The following GRIN2A variants were observed in gnomAD, a reference collection of about 807,000 sequenced individuals.
The protein encoded by GRIN2A is glutamate receptor ionotropic, NMDA 2A.
A neutral mutation model predicts 113.4 loss-of-function variants in GRIN2A; 22 were observed. That is an observed-to-expected ratio of 0.19 (90% confidence interval 0.14 to 0.28). The LOEUF is 0.28. Ranked by LOEUF, GRIN2A falls within the 10% of genes least tolerant of loss-of-function variation. GRIN2A has a pLI of 1.00. For synonymous variants in GRIN2A, 827 were observed against 738.4 expected (o/e 1.12, Z -1.94); for missense variants, 1,502 against 1,887.0 (o/e 0.80, Z 3.78).
chr16:9,958,312 G>A (rs969527133), intron 2 of GRIN2A, among the ~76,000 whole-genome samples: 1 of 152,014 alleles, frequency 6.6e-6, no homozygotes, highest in Non-Finnish European at 1.5e-5. Context: ...CAAAGCCATG[G>A]CTCCCTCTTG....
At position 10,089,783 on chromosome 16, in the gene GRIN2A, C is replaced by G. The variant is rs965649552; in HGVS notation, c.414+90215G>C. On this transcript the variant is annotated intron_variant, in intron 2 of 12. Coordinates refer to ENST00000330684, the MANE Select transcript of GRIN2A (RefSeq NM_001134407.3). ...AACAGCAAGCTGTCTTGATAAGGTT[C>G]CATCATCTCTCAAAAATTTATAACT... Among the ~76,000 whole-genome samples the G allele has an allele frequency of 7.2e-5, 11 of 152,238 alleles. No homozygotes were observed. In the East Asian group the frequency reaches 7.7e-4, roughly 11 times the overall value.
chr16:9,903,662 C>G (rs963890249), intron 3 of GRIN2A, among the ~76,000 whole-genome samples: 1 of 152,194 alleles, frequency 6.6e-6, no homozygotes, highest in African/African-American at 2.4e-5. Flanking sequence ...ACCTCTTCCA[C>G]AAAGTATTAC....
At chr16:9,983,836 C>T (rs546046869) in intron 2 of GRIN2A, among the ~76,000 whole-genome samples, 2 of 152,188 alleles carry the variant, frequency 1.3e-5, no homozygotes, top group South Asian at 2.1e-4. Context: ...ATGTCTTGGC[C>T]CCTGTGAATA....
chr16:10,131,045 T>C (rs1433167434), intron 2 of GRIN2A, among the ~76,000 whole-genome samples: 1 of 152,178 alleles, frequency 6.6e-6, no homozygotes, highest in African/African-American at 2.4e-5. Context: ...GTCGGGACTT[T>C]TGTTAGAAAA....
chr16:9,850,804 C>T (rs983127572), intron 4 of GRIN2A, among the ~76,000 whole-genome samples: 4 of 152,152 alleles, frequency 2.6e-5, no homozygotes, highest in Admixed American at 2.0e-4. Flanking sequence ...GAGCAGCAGT[C>T]GGCATCTTAG....
At chr16:9,902,630 C>A (rs549444713) in intron 3 of GRIN2A, among the ~76,000 whole-genome samples, 5 of 152,282 alleles carry the variant, frequency 3.3e-5, no homozygotes, top group Admixed American at 2.6e-4. Context: ...AATTAAGGTG[C>A]ACCAGCACTC....
chr16:9,956,511 G>A (rs1053399400), intron 2 of GRIN2A, among the ~76,000 whole-genome samples: 2 of 152,082 alleles, frequency 1.3e-5, no homozygotes, highest in African/African-American at 4.8e-5. Flanking sequence ...TCACTTAACT[G>A]TGTCTTTAAT....
chr16:9,990,555 GCGCGCGCGCACACACA>G (rs1041429916), intron 2 of GRIN2A, among the ~76,000 whole-genome samples: 2 of 106,460 alleles, frequency 1.9e-5, no homozygotes, highest in Admixed American at 2.0e-4. Flanking sequence ...ACGCGCGCGC[GCGCGCGCGCACACACA>G]CACACACACA....
At chr16:9,865,864 G>T (rs2043152435) in intron 4 of GRIN2A, among the ~76,000 whole-genome samples, 1 of 152,172 alleles carries the variant, frequency 6.6e-6, no homozygotes, top group Admixed American at 6.5e-5. Context: ...AAAATGAAAA[G>T]AATATTTGGT....
At chr16:10,098,942 C>CAAAAA (rs768621858) in intron 2 of GRIN2A, among the ~76,000 whole-genome samples, 19 of 144,522 alleles carry the variant, frequency 1.3e-4, no homozygotes, top group Non-Finnish European at 2.1e-4. Flanking sequence ...CTCCCCCCCC[C>CAAAAA]AAAAAAAACC....
intron 4 of GRIN2A, among the ~76,000 whole-genome samples, chr16:9,875,661 T>A (rs2043350054): frequency 6.6e-6 from 1 of 152,156 alleles, no homozygotes; most frequent in Non-Finnish European, 1.5e-5. Flanking sequence ...CTCCAGTAAT[T>A]GTGGGTGGGG....
chr16:10,124,801 A>T (rs780555923), intron 2 of GRIN2A, among the ~76,000 whole-genome samples: 1 of 152,212 alleles, frequency 6.6e-6, no homozygotes, highest in African/African-American at 2.4e-5. Flanking sequence ...ATGAACACAT[A>T]CAAGTTAAAG....
intron 4 of GRIN2A, among the ~76,000 whole-genome samples, chr16:9,880,917 C>T (rs1483034658): frequency 6.6e-6 from 1 of 152,190 alleles, no homozygotes. Context: ...TGCTCTCCTG[C>T]AGTTACGAGC....
intron 2 of GRIN2A, among the ~76,000 whole-genome samples, chr16:10,088,137 T>G (rs1225120733): frequency 6.6e-6 from 1 of 152,162 alleles, no homozygotes; most frequent in East Asian, 1.9e-4. Flanking sequence ...ACCCTCTCCC[T>G]TGAGAAACGC....
intron 2 of GRIN2A, among the ~76,000 whole-genome samples, chr16:10,051,105 C>A (rs757981094): frequency 1.3e-5 from 2 of 152,220 alleles, no homozygotes; most frequent in Non-Finnish European, 2.9e-5. Context: ...ACTCCACACT[C>A]TTCCTCTTGT....
At chr16:10,051,009 T>C (rs1167940688) in intron 2 of GRIN2A, among the ~76,000 whole-genome samples, 1 of 152,208 alleles carries the variant, frequency 6.6e-6, no homozygotes, top group Admixed American at 6.5e-5. Flanking sequence ...ATTATTCAGA[T>C]GATGAAGCTA....
At chr16:10,042,511 C>T (rs1400882480) in intron 2 of GRIN2A, among the ~76,000 whole-genome samples, 2 of 152,192 alleles carry the variant, frequency 1.3e-5, no homozygotes, top group African/African-American at 4.8e-5. Context: ...GGCCAATGTA[C>T]TGACCACAGC....
chr16:9,822,689 C>T (rs541410508), intron 9 of GRIN2A, among the ~76,000 whole-genome samples: 10 of 152,230 alleles, frequency 6.6e-5, no homozygotes, highest in South Asian at 2.1e-4. Context: ...GCACAGAGCC[C>T]GGCTGGGTGC....
intron 3 of GRIN2A, among the ~76,000 whole-genome samples, chr16:9,915,139 T>C (rs1468825305): frequency 6.6e-6 from 1 of 151,386 alleles, no homozygotes; most frequent in Admixed American, 6.6e-5. Flanking sequence ...GGTTTCACCA[T>C]GTTAGCTAGG....
Sources: gnomAD v4.1 joint callset for allele counts (sites outside exome capture counted in the v4.1 genomes callset) on GRCh38, gnomAD v4.1.1 for gene constraint, MANE v1.5 for transcripts, NCBI Gene and HGNC (gene_info 2026-07-23, HGNC 2026-07-21) for gene names.